Variants in SHC4 observed in about 807,000 individuals in gnomAD.
SHC4 encodes SHC-transforming protein 4.
A neutral mutation model predicts 69.4 loss-of-function variants in SHC4; 41 were observed. That is an observed-to-expected ratio of 0.59 (90% CI 0.46 to 0.77). The LOEUF is 0.77. Ranked by LOEUF, SHC4 falls within the 30% of genes least tolerant of loss-of-function variation. The pLI is 0.00. For missense variants in SHC4, 777 were observed against 783.8 expected, an observed-to-expected ratio of 0.99 and a Z score of 0.10; for synonymous variants, 318 against 299.3, an observed-to-expected ratio of 1.06 and a Z score of -0.64.
intron 11 of SHC4, among the ~76,000 whole-genome samples, chr15:48,831,441 C>A (rs563145961): frequency 6.6e-6 from 1 of 152,128 alleles, no homozygotes; most frequent in African/African-American, 2.4e-5. Flanking sequence ...CATTTCAAAT[C>A]TTTTATATCC....
In SHC4 at chr15:48,852,710, T is replaced by G. The variant is rs535881938; in HGVS notation, c.1243-1462A>C. ...TGAGGTCAGGAGTTTGAGACCAGCC[T>G]CGCCAACATGGGGAAACCCTGTCTC... On this transcript the variant is annotated intron_variant, in intron 8 of 11. Transcript: ENST00000332408. 2.0e-5 allele frequency among the ~76,000 whole-genome samples: 3 copies of G among 152,200 alleles called. No individual in the cohort carries two copies. In the East Asian group the frequency reaches 5.8e-4, roughly 29 times the overall value.
chr15:48,879,571 G>A (rs1050010479), intron 4 of SHC4: 1 of 167,154 alleles, frequency 6.0e-6, no homozygotes, highest in Non-Finnish European at 1.5e-5. Flanking sequence ...TAACTTGACA[G>A]ATGAAGGACT....
chr15:48,870,054 T>C (rs1348689233), intron 5 of SHC4, among the ~76,000 whole-genome samples: 2 of 152,216 alleles, frequency 1.3e-5, no homozygotes, highest in Non-Finnish European at 2.9e-5. Flanking sequence ...GAGTAAATGT[T>C]TGCGCACCAA....
intron 1 of SHC4, among the ~76,000 whole-genome samples, chr15:48,937,913 G>A (rs4318148): frequency 0.011 from 1,697 of 152,262 alleles, 36 homozygotes; most frequent in East Asian, 0.093. Context: ...AATTCCTTGA[G>A]GCCTTGTATT....
intron 2 of SHC4, among the ~76,000 whole-genome samples, chr15:48,913,368 G>A (rs1266685512): frequency 6.6e-6 from 1 of 152,038 alleles, no homozygotes; most frequent in Non-Finnish European, 1.5e-5. Flanking sequence ...GGTTGTCAGG[G>A]AAGTCAGGGA....
At chr15:48,957,374 C>T (rs1198859646) in intron 1 of SHC4, among the ~76,000 whole-genome samples, 3 of 152,148 alleles carry the variant, frequency 2.0e-5, no homozygotes, top group Non-Finnish European at 2.9e-5. Flanking sequence ...CTTCAATGCA[C>T]GTCTCCAAAC....
At chr15:48,870,883 G>C (rs1052579229) in intron 5 of SHC4, among the ~76,000 whole-genome samples, 1 of 152,202 alleles carries the variant, frequency 6.6e-6, no homozygotes, top group East Asian at 1.9e-4. Context: ...AATGATTACA[G>C]AGTAACTTCA....
intron 11 of SHC4, among the ~76,000 whole-genome samples, chr15:48,828,317 G>T (rs1898729085): frequency 6.6e-6 from 1 of 152,140 alleles, no homozygotes; most frequent in South Asian, 2.1e-4. Flanking sequence ...GAACACTGTA[G>T]CATAGGACAG....
At chr15:48,857,580 G>T in intron 7 of SHC4, 112 bp downstream of exon 7, 3 of 999,456 alleles carry the variant, frequency 3.0e-6, no homozygotes, top group Non-Finnish European at 4.0e-6. Context: ...AATTTTATTA[G>T]TTCATTTTAA....
At chr15:48,936,903 G>A (rs1901081572) in intron 1 of SHC4, among the ~76,000 whole-genome samples, 1 of 152,166 alleles carries the variant, frequency 6.6e-6, no homozygotes, top group East Asian at 1.9e-4. Context: ...AGGGGAATTT[G>A]TTTGAACTAA....
intron 1 of SHC4, among the ~76,000 whole-genome samples, chr15:48,925,969 G>A (rs1231872423): frequency 6.6e-6 from 1 of 152,190 alleles, no homozygotes; most frequent in Non-Finnish European, 1.5e-5. Context: ...GACTCACTCA[G>A]ATGTTTCCAG....
intron 2 of SHC4, among the ~76,000 whole-genome samples, chr15:48,917,937 G>T (rs2141020591): frequency 6.6e-6 from 1 of 152,216 alleles, no homozygotes; most frequent in East Asian, 1.9e-4. Flanking sequence ...TTATTACCAG[G>T]AATTTCATGT....
At chr15:48,942,874 T>C (rs1425433426) in intron 1 of SHC4, among the ~76,000 whole-genome samples, 1 of 152,204 alleles carries the variant, frequency 6.6e-6, no homozygotes, top group Non-Finnish European at 1.5e-5. Context: ...TTGCCCTGAA[T>C]TCCCCTGACC....
chr15:48,851,241 T>C lies in SHC4; in HGVS notation c.1250A>G (p.Asn417Ser), dbSNP rs1427586841. 1 of 1,614,068 alleles carries C rather than the reference T, an allele frequency of 6.2e-7. No individual in the cohort carries two copies. Reference sequence around the variant, plus strand: ...CTCATATACACTGCTGCACTTGGAGTTTCCAGGCTGCATGAACAACAAATT... The same window carrying C: ...CTCATATACACTGCTGCACTTGGAGCTTCCAGGCTGCATGAACAACAAATT... ...QCEKLCYLPG[N>S]SKCSSVYENC... Residue 417 changes from asparagine to serine, a missense_variant, in exon 9 of 12, where the codon AAC (asparagine) becomes AGC (serine). Coordinates refer to ENST00000332408, the MANE Select transcript of SHC4 (RefSeq NM_203349.4).
intron 1 of SHC4, among the ~76,000 whole-genome samples, chr15:48,952,428 T>C (rs1901380592): frequency 6.6e-6 from 1 of 152,056 alleles, no homozygotes; most frequent in South Asian, 2.1e-4. Flanking sequence ...CTAGTAAGAG[T>C]AGGATACCAT....
intron 8 of SHC4, among the ~76,000 whole-genome samples, chr15:48,852,761 G>T (rs2140980492): frequency 6.6e-6 from 1 of 152,056 alleles, no homozygotes; most frequent in East Asian, 1.9e-4. Flanking sequence ...CATTAGCTGG[G>T]CATGGTGGCA....
chr15:48,856,401 T>C (rs1899317059), intron 7 of SHC4, among the ~76,000 whole-genome samples: 2 of 152,160 alleles, frequency 1.3e-5, no homozygotes, highest in South Asian at 2.1e-4. Context: ...AATAACAATA[T>C]ATGAACTTCC....
At chr15:48,949,692 C>G (rs966145627) in intron 1 of SHC4, among the ~76,000 whole-genome samples, 4 of 151,632 alleles carry the variant, frequency 2.6e-5, no homozygotes, top group Non-Finnish European at 4.4e-5. Flanking sequence ...TCTGGCCCAA[C>G]TAAAATCGGT....
intron 2 of SHC4, among the ~76,000 whole-genome samples, chr15:48,896,936 A>C (rs1043612298): frequency 6.6e-6 from 1 of 152,246 alleles, no homozygotes; most frequent in Admixed American, 6.5e-5. Context: ...CTGGAGTCTC[A>C]GCCACACCCT....
Sources: allele counts gnomAD v4.1 joint callset (sites outside exome capture counted in the v4.1 genomes callset), GRCh38; gene constraint gnomAD v4.1.1; transcripts MANE v1.5; gene names NCBI Gene and HGNC (gene_info 2026-07-23, HGNC 2026-07-21).